The following RASSF5 variants were observed in gnomAD, a reference collection of about 807,000 sequenced individuals.
RASSF5 encodes ras association domain-containing protein 5.
In RASSF5, 25 loss-of-function variants were observed where a neutral mutation model predicts 40.5. That is an observed-to-expected ratio of 0.62 (90% confidence interval 0.45 to 0.86). The LOEUF (loss-of-function observed/expected upper bound fraction) is 0.86, where lower values mean the gene tolerates loss of function less well. Among genes scored for constraint, RASSF5 ranks in the 40% least tolerant of loss-of-function variants. The probability of loss-of-function intolerance (pLI) is 0.00; values close to 1 mark genes in which losing one functional copy is unlikely to be tolerated. For synonymous variants in RASSF5, 246 were observed against 252.4 expected (o/e 0.97, Z 0.24); for missense variants, 521 against 572.8 (o/e 0.91, Z 0.92).
At chr1:206,556,916 C>T (rs868944721) in intron 2 of RASSF5, among the ~76,000 whole-genome samples, 4 of 152,144 alleles carry the variant, frequency 2.6e-5, no homozygotes, top group Non-Finnish European at 5.9e-5. Flanking sequence ...CTCCGTGGAA[C>T]CTGAGTCACC....
At chr1:206,557,073 GGGCGGGTGGCACCCAGGC>G (rs1265389030) in intron 2 of RASSF5, 112 of 926,008 alleles carry the variant, frequency 1.2e-4, no homozygotes, top group Non-Finnish European at 1.3e-4. Context: ...TTGCCACCGG[GGGCGGGTGGCACCCAGGC>G]GGCGGGGAGG....
At chr1:206,573,761 A>C (rs1553404631) in intron 2 of RASSF5, among the ~76,000 whole-genome samples, 1 of 152,246 alleles carries the variant, frequency 6.6e-6, no homozygotes, top group East Asian at 1.9e-4. Context: ...TAATCCCAGC[A>C]TTTTGGGAGG....
rs60985867 is a variant in RASSF5 at position 206,531,873 on chromosome 1, T to TAA, written c.458-6291_458-6290dup. On this transcript the variant is annotated intron_variant, in intron 1 of 5. Transcript: ENST00000579436. The surrounding 1 kb of genome is among the most constrained non-coding windows in gnomAD (Gnocchi z 4.7). ...TAACATAGTGAAACCCTGTCTCTAC[T>TAA]AAAAAAAAATAAATAAATAAATACA... Among the ~76,000 whole-genome samples the TAA allele has an allele frequency of 0.021, 3,111 of 145,084 alleles. 126 individuals are homozygous for TAA. The highest frequency in any genetic ancestry group is 0.077 in the African/African-American group (2,967 of 38,320).
intron 2 of RASSF5, chr1:206,557,392 A>G (rs1668019056): frequency 1.5e-6 from 2 of 1,365,218 alleles, no homozygotes; most frequent in Admixed American, 3.3e-5. Flanking sequence ...ACCCCGCTGA[A>G]AGAAACGCAG....
At chr1:206,524,553 T>C (rs1298722090) in intron 1 of RASSF5, among the ~76,000 whole-genome samples, 1 of 136,566 alleles carries the variant, frequency 7.3e-6, no homozygotes, top group African/African-American at 2.7e-5. Flanking sequence ...ATAAAATACA[T>C]ATAAAATATA....
rs1553398612 is a variant in RASSF5, at chr1:206,535,861, G to C, written c.458-2311G>C. Among the ~76,000 whole-genome samples, 1 of 152,034 alleles carries C rather than the reference G, an allele frequency of 6.6e-6. No individual in the cohort carries two copies. The highest frequency in any genetic ancestry group is 2.4e-5 in the African/African-American group (1 of 41,374). On this transcript the variant is annotated intron_variant, in intron 1 of 5. Transcript: ENST00000579436. The surrounding 1 kb of genome is among the most constrained non-coding windows in gnomAD (Gnocchi z 5.0). ...GGAGAGAGAAATTCCTCCTCTCCCA[G>C]GTGCCTTCCCATTTGTGAGTTATGG...
At chr1:206,524,663 TATATATTATATATAATATATATTTA>T (rs1363018910) in intron 1 of RASSF5, among the ~76,000 whole-genome samples, 1 of 133,148 alleles carries the variant, frequency 7.5e-6, no homozygotes, top group African/African-American at 2.7e-5. Flanking sequence ...TTATGTATAA[TATATATTATATATAATATATATTTA>T]ATATATTATA....
rs1052542489 is a variant in RASSF5 at position 206,588,262 on chromosome 1, G to A, written c.*1284G>A. 2.0e-5 allele frequency: 3 copies of A among 152,752 alleles called. No individual in the cohort carries two copies. The highest frequency in any genetic ancestry group is 6.5e-5 in the Admixed American group (1 of 15,282). 9.5% of individuals were successfully genotyped at this position (152,752 alleles called of 1,614,324 possible). ...CCAGGAGAGCCCGCGTTCAGTATGG[G>A]TTGAGGGTCACAGACCTCCCTCCCA... On this transcript the variant is annotated 3_prime_UTR_variant, in exon 6 of 6. Coordinates refer to ENST00000579436, the MANE Select transcript of RASSF5 (RefSeq NM_182663.4).
chr1:206,584,799 G>T lies in RASSF5; in HGVS notation c.988+115G>T. The T allele has an allele frequency of 9.1e-7, 1 of 1,095,252 alleles. No homozygotes were observed. Among genetic ancestry groups the T allele is most frequent in the Non-Finnish European group, 1.3e-6 (1 of 753,682 alleles). 67.8% of individuals were successfully genotyped at this position (1,095,252 alleles called of 1,614,324 possible). On this transcript the variant is annotated intron_variant, in intron 4 of 5. Transcript: ENST00000579436. The surrounding 1 kb of genome is among the most constrained non-coding windows in gnomAD (Gnocchi z 4.9). The stretch of plus-strand genomic sequence containing the variant: ...GCTGTGGGCTTCTCCTGAGCACCAG[G>T]GGTCCAGCTGCCCATGTGGTGTTCA...
intron 2 of RASSF5, among the ~76,000 whole-genome samples, chr1:206,549,447 T>C (rs946063077): frequency 2.0e-5 from 3 of 152,104 alleles, no homozygotes; most frequent in African/African-American, 7.2e-5. Flanking sequence ...ACACCAGAAT[T>C]AGTGTCTTTG....
At chr1:206,529,672 C>T (rs1196967087) in intron 1 of RASSF5, 1 of 753,788 alleles carries the variant, frequency 1.3e-6, no homozygotes, top group Non-Finnish European at 2.4e-6. Context: ...TTCAAAAAGG[C>T]AAAGGCTAAA....
At chr1:206,563,735 T>C (rs1668212600) in intron 2 of RASSF5, among the ~76,000 whole-genome samples, 1 of 152,208 alleles carries the variant, frequency 6.6e-6, no homozygotes, top group East Asian at 1.9e-4. Context: ...ATTGACTGCT[T>C]ACCCCAATTG....
At chr1:206,550,012 C>T (rs1667792715) in intron 2 of RASSF5, among the ~76,000 whole-genome samples, 1 of 152,160 alleles carries the variant, frequency 6.6e-6, no homozygotes, top group Admixed American at 6.5e-5. Flanking sequence ...TTACTCTGTC[C>T]TGTGAACTCG....
chr1:206,571,823 G>A (rs779448751), intron 2 of RASSF5, among the ~76,000 whole-genome samples: 29 of 152,298 alleles, frequency 1.9e-4, no homozygotes, highest in Non-Finnish European at 3.8e-4. Flanking sequence ...CAGGGACCTA[G>A]CTGGAAATCC....
At chr1:206,523,753 A>ATATACATAATATATTTTATATAT (rs1553396612) in intron 1 of RASSF5, among the ~76,000 whole-genome samples, 29 of 98,388 alleles carry the variant, frequency 2.9e-4, no homozygotes, top group Admixed American at 5.4e-4. Flanking sequence ...ATTTTATATA[A>ATATACATAATATATTTTATATAT]TATACATAAT....
At chr1:206,567,482 C>A (rs1008518659) in intron 2 of RASSF5, among the ~76,000 whole-genome samples, 1 of 152,092 alleles carries the variant, frequency 6.6e-6, no homozygotes, top group Admixed American at 6.5e-5. Flanking sequence ...ATGGATGGAG[C>A]GGGGAGGAGC....
At chr1:206,572,380 A>C (rs993951338) in intron 2 of RASSF5, among the ~76,000 whole-genome samples, 18 of 152,184 alleles carry the variant, frequency 1.2e-4, no homozygotes, top group Admixed American at 3.3e-4. Flanking sequence ...TGTGGATATC[A>C]GAAAAACCTC....
At chr1:206,520,973 G>C (rs987079833) in intron 1 of RASSF5, among the ~76,000 whole-genome samples, 1 of 152,188 alleles carries the variant, frequency 6.6e-6, no homozygotes, top group East Asian at 1.9e-4. Context: ...CTCAGTGGGA[G>C]ACATAGGACT....
At chr1:206,519,582 T>C (rs1553395822) in intron 1 of RASSF5, among the ~76,000 whole-genome samples, 2 of 152,172 alleles carry the variant, frequency 1.3e-5, no homozygotes, top group Admixed American at 6.5e-5. Flanking sequence ...TGGCACTCTT[T>C]GGAGCATACA....
Sources: allele counts gnomAD v4.1 joint callset (sites outside exome capture counted in the v4.1 genomes callset), GRCh38; gene constraint gnomAD v4.1.1; non-coding constraint Gnocchi (gnomAD v3.1); transcripts MANE v1.5; gene names NCBI Gene and HGNC (gene_info 2026-07-23, HGNC 2026-07-21).